TTC29: variants seen among roughly 807,000 people sequenced by gnomAD.
TTC29 encodes tetratricopeptide repeat domain 29, also known as tetratricopeptide repeat protein 29.
Under a neutral mutation model 58.1 loss-of-function variants are expected in TTC29, and 49 were observed. That is an observed-to-expected ratio of 0.84 (90% CI 0.67 to 1.07). The LOEUF (loss-of-function observed/expected upper bound fraction) is 1.07, where lower values mean the gene tolerates loss of function less well. Ranked by LOEUF, TTC29 falls within the 50% of genes least tolerant of loss-of-function variation. The probability of loss-of-function intolerance (pLI) is 0.00; values close to 1 mark genes in which losing one functional copy is unlikely to be tolerated. For synonymous variants in TTC29, 209 were observed against 196.8 expected, an observed-to-expected ratio of 1.06 and a Z score of -0.52; for missense variants, 582 against 555.6, an observed-to-expected ratio of 1.05 and a Z score of -0.48.
intron 8 of TTC29, among the ~76,000 whole-genome samples, chr4:146,853,650 A>G (rs2150186936): frequency 6.6e-6 from 1 of 152,262 alleles, no homozygotes; most frequent in African/African-American, 2.4e-5. Context: ...CACATTACTA[A>G]TTATTTCCCT....
chr4:146,831,876 TTAG>T, intron 9 of TTC29: 1 of 218,846 alleles, frequency 4.6e-6, no homozygotes, highest in Non-Finnish European at 9.7e-6. Flanking sequence ...TTGTAAGCGC[TTAG>T]TAGATGTTTA....
chr4:146,784,274 A>G (rs1428143008), intron 11 of TTC29, among the ~76,000 whole-genome samples: 2 of 152,068 alleles, frequency 1.3e-5, no homozygotes, highest in Non-Finnish European at 2.9e-5. Context: ...ACTTACTCCA[A>G]TAAGTGACAA....
At chr4:146,764,850 T>C (rs1312510641) in intron 11 of TTC29, among the ~76,000 whole-genome samples, 2 of 152,036 alleles carry the variant, frequency 1.3e-5, no homozygotes, top group African/African-American at 2.4e-5. Flanking sequence ...ACCACTAACG[T>C]TGGTGTTTTT....
chr4:146,871,348 G>A (rs970256551), intron 7 of TTC29, among the ~76,000 whole-genome samples: 1 of 151,814 alleles, frequency 6.6e-6, no homozygotes, highest in East Asian at 1.9e-4. Flanking sequence ...ATGTAGTAAA[G>A]GGCATCTACA....
At chr4:146,923,431 CTT>C (rs1374657558) in intron 4 of TTC29, among the ~76,000 whole-genome samples, 1 of 151,536 alleles carries the variant, frequency 6.6e-6, no homozygotes, top group Non-Finnish European at 1.5e-5. Context: ...AATCTAGTAA[CTT>C]TAAATAATCT....
At chr4:146,811,076 T>C (rs1704084242) in intron 10 of TTC29, among the ~76,000 whole-genome samples, 1 of 152,170 alleles carries the variant, frequency 6.6e-6, no homozygotes, top group Admixed American at 6.6e-5. Context: ...CAAATGATCA[T>C]TTAAATATCT....
chr4:146,868,180 C>T (rs1451493809), intron 7 of TTC29, among the ~76,000 whole-genome samples: 1 of 152,040 alleles, frequency 6.6e-6, no homozygotes, highest in Non-Finnish European at 1.5e-5. Context: ...AATGAGAACA[C>T]ATGGACACAG....
intron 5 of TTC29, 38 bp from the exon 6 acceptor site, chr4:146,903,767 AGAT>A: frequency 6.9e-7 from 1 of 1,455,800 alleles, no homozygotes; most frequent in Non-Finnish European, 9.2e-7. Flanking sequence ...GGCATTAGAA[AGAT>A]GTCTCATGGC....
intron 11 of TTC29, among the ~76,000 whole-genome samples, chr4:146,783,080 T>A (rs972379130): frequency 6.6e-6 from 1 of 151,596 alleles, no homozygotes; most frequent in Non-Finnish European, 1.5e-5. Context: ...TTTTAACTTA[T>A]TTGTTTATTT....
intron 7 of TTC29, among the ~76,000 whole-genome samples, chr4:146,868,761 G>C (rs1730731433): frequency 6.6e-6 from 1 of 152,070 alleles, no homozygotes; most frequent in Non-Finnish European, 1.5e-5. Flanking sequence ...TCTTTGGAAA[G>C]CAAGTGATAC....
chr4:146,903,757 G>A (rs779569662), intron 5 of TTC29, 28 bp from the exon 6 acceptor site: 19 of 1,490,086 alleles, frequency 1.3e-5, no homozygotes, highest in Admixed American at 6.5e-5. Context: ...CACCATGAAT[G>A]GCATTAGAAA....
At chr4:146,801,487 G>A (rs985537282) in intron 11 of TTC29, among the ~76,000 whole-genome samples, 39 of 152,022 alleles carry the variant, frequency 2.6e-4, no homozygotes, top group Non-Finnish European at 5.9e-5. Context: ...CAGCAAAGGA[G>A]TGTTTTATTT....
At chr4:146,814,132 G>GT (rs1320208661) in intron 10 of TTC29, among the ~76,000 whole-genome samples, 1 of 152,028 alleles carries the variant, frequency 6.6e-6, no homozygotes, top group African/African-American at 2.4e-5. Context: ...TCTGTGCCAG[G>GT]TTTTTTTCTA....
chr4:146,815,065 A>G (rs1022612204), intron 10 of TTC29, among the ~76,000 whole-genome samples: 2 of 152,180 alleles, frequency 1.3e-5, no homozygotes, highest in Non-Finnish European at 2.9e-5. Flanking sequence ...TCTCAGAAGA[A>G]TGAGAAGTAA....
chr4:146,922,012 C>CAAAAAAAAA (rs34167190), intron 4 of TTC29, among the ~76,000 whole-genome samples: 3 of 107,390 alleles, frequency 2.8e-5, no homozygotes, highest in African/African-American at 7.6e-5. Flanking sequence ...GGATCCCCTA[C>CAAAAAAAAA]AAAAAAAAAA....
chr4:146,922,626 T>C (rs1352677679), intron 4 of TTC29, among the ~76,000 whole-genome samples: 1 of 151,722 alleles, frequency 6.6e-6, no homozygotes, highest in Non-Finnish European at 1.5e-5. Flanking sequence ...TAATCTCCAT[T>C]GTACAGATGA....
intron 4 of TTC29, among the ~76,000 whole-genome samples, chr4:146,923,974 TAC>T (rs199545346): frequency 0.075 from 11,351 of 151,814 alleles, 1,443 homozygotes; most frequent in African/African-American, 0.26. Flanking sequence ...GGTATATGCA[TAC>T]ACACATGAAA....
At chr4:146,900,198 GACTT>G (rs1311769016) in intron 6 of TTC29, among the ~76,000 whole-genome samples, 10 of 152,096 alleles carry the variant, frequency 6.6e-5, no homozygotes, top group Admixed American at 3.3e-4. Context: ...CATCAACACT[GACTT>G]ACTTGTTTTA....
intron 11 of TTC29, among the ~76,000 whole-genome samples, chr4:146,755,560 A>C (rs1579600978): frequency 6.6e-6 from 1 of 152,264 alleles, no homozygotes; most frequent in African/African-American, 2.4e-5. Context: ...GACGATAGGT[A>C]ATAAGATTGT....
Sources: gnomAD v4.1 joint callset for allele counts (sites outside exome capture counted in the v4.1 genomes callset) on GRCh38, gnomAD v4.1.1 for gene constraint, MANE v1.5 for transcripts, NCBI Gene and HGNC (gene_info 2026-07-23, HGNC 2026-07-21) for gene names.